The following CLIP1 variants were observed in gnomAD, a reference collection of about 807,000 sequenced individuals.
The protein encoded by CLIP1 is CAP-Gly domain containing linker protein 1.
A neutral mutation model predicts 161.6 loss-of-function variants in CLIP1; 66 were observed. The ratio of observed to expected loss-of-function variants is 0.41; its 90% CI spans 0.33 to 0.50. CLIP1 has a LOEUF of 0.50. Among genes scored for constraint, CLIP1 ranks in the 20% least tolerant of loss-of-function variants. The pLI is 0.27. For synonymous variants in CLIP1, 598 were observed against 626.2 expected (o/e 0.96, Z 0.67); for missense variants, 1,376 against 1,702.0 (o/e 0.81, Z 3.37).
chr12:122,401,575 G>A (rs1301500218), intron 1 of CLIP1, among the ~76,000 whole-genome samples: 2 of 152,156 alleles, frequency 1.3e-5, no homozygotes, highest in East Asian at 3.9e-4. Context: ...GGCTGAGGCA[G>A]GAGAACTGCT....
chr12:122,402,779 T>C (rs192594672), intron 1 of CLIP1, among the ~76,000 whole-genome samples: 35 of 152,290 alleles, frequency 2.3e-4, no homozygotes, highest in South Asian at 8.3e-4. Context: ...CCAGCCTGGG[T>C]GACAGACCAA....
chr12:122,329,983 G>A (rs1951873485), intron 15 of CLIP1, among the ~76,000 whole-genome samples: 1 of 152,078 alleles, frequency 6.6e-6, no homozygotes, highest in Admixed American at 6.6e-5. Context: ...TGGGCGTGGT[G>A]GCGCATGCCT....
At position 122,377,586 on chromosome 12, in the gene CLIP1, C is replaced by A; in HGVS notation, c.460G>T (p.Ala154Ser). 1 of 1,613,900 alleles carries A rather than the reference C, an allele frequency of 6.2e-7. No homozygotes were observed. The highest frequency in any genetic ancestry group is 8.5e-7 in the Non-Finnish European group (1 of 1,179,976). Residue 154 changes from alanine to serine, a missense_variant, in exon 3 of 26, where the codon GCC becomes TCC. Ala to Ser is a moderately conservative substitution (Grantham distance 99, BLOSUM62 1). Coordinates refer to ENST00000620786, the MANE Select transcript of CLIP1 (RefSeq NM_001247997.2). ...RATSPLCTSTASMVSSSPSTP... is the reference protein window; with the variant it reads ...RATSPLCTSTSSMVSSSPSTP... The stretch of plus-strand genomic sequence containing the variant: ...GAGGGGGAGGAAGACACCATGCTGG[C>A]CGTAGAAGTGCACAGCGGTGAAGTA...
intron 1 of CLIP1, among the ~76,000 whole-genome samples, chr12:122,390,275 T>TATAC (rs1182608807): frequency 0.082 from 3,942 of 48,074 alleles, 121 homozygotes; most frequent in East Asian, 0.22. Flanking sequence ...CACATATATA[T>TATAC]ATACATATAT....
Position 122,340,851 on chromosome 12 carries a change from C to T in CLIP1, c.2353G>A (p.Glu785Lys), listed in dbSNP as rs61954403. ...DLDALRKASS[E>K]GKSEMKKLRQ... ...AGTTTCTTCATTTCCGATTTACCTTCGGAACTGGCTTTCCGAAGTGCATCA... is the reference window on the plus strand; with the variant it reads ...AGTTTCTTCATTTCCGATTTACCTTTGGAACTGGCTTTCCGAAGTGCATCA... Residue 785 changes from glutamate (E) to lysine (K), a missense_variant, in exon 11 of 26, where the codon GAA becomes AAA. Transcript: ENST00000620786. 21,418 of 1,614,128 alleles carry T rather than the reference C, an allele frequency of 0.013. 191 individuals are homozygous for T. The highest frequency in any genetic ancestry group is 0.016 in the Non-Finnish European group (18,924 of 1,180,018).
intron 20 of CLIP1, among the ~76,000 whole-genome samples, chr12:122,308,968 T>C (rs1950973680): frequency 6.6e-6 from 1 of 152,208 alleles, no homozygotes; most frequent in Non-Finnish European, 1.5e-5. Flanking sequence ...TTTTTTCCCC[T>C]TGGAGTACAA....
intron 1 of CLIP1, among the ~76,000 whole-genome samples, chr12:122,417,215 G>T (rs1956786230): frequency 6.6e-6 from 1 of 152,096 alleles, no homozygotes; most frequent in Admixed American, 6.6e-5. Flanking sequence ...AGAATCGCTT[G>T]AACCTGGGAG....
intron 17 of CLIP1, 42 bp downstream of exon 17, chr12:122,327,905 C>CA: frequency 6.3e-7 from 1 of 1,587,182 alleles, no homozygotes; most frequent in African/African-American, 1.3e-5. Flanking sequence ...ACACAGAGCT[C>CA]AGGCAAGCTA....
At chr12:122,350,937 A>G (rs1566154925) in intron 9 of CLIP1, 174 bp downstream of exon 9, 4 of 455,102 alleles carry the variant, frequency 8.8e-6, no homozygotes, top group Non-Finnish European at 1.5e-5. Flanking sequence ...ATTACATACA[A>G]TTTCTTCAGG....
chr12:122,275,991 A>C (rs1955411695), intron 24 of CLIP1, among the ~76,000 whole-genome samples: 1 of 152,186 alleles, frequency 6.6e-6, no homozygotes, highest in African/African-American at 2.4e-5. Flanking sequence ...TCTTATCCTG[A>C]ACATTTCCTT....
intron 17 of CLIP1, among the ~76,000 whole-genome samples, chr12:122,324,514 TG>T (rs1444527750): frequency 6.6e-6 from 1 of 152,154 alleles, no homozygotes; most frequent in African/African-American, 2.4e-5. Context: ...AGAAACTATC[TG>T]AATAACAAGG....
intron 1 of CLIP1, among the ~76,000 whole-genome samples, chr12:122,387,563 TATATATATATATATATATATATA>T (rs1566209062): frequency 2.1e-4 from 2 of 9,322 alleles, no homozygotes; most frequent in South Asian, 4.6e-3. Context: ...TATATATATA[TATATATATATATATATATATATA>T]TATATTTTTT....
At chr12:122,370,873 G>A (rs563459322) in intron 3 of CLIP1, among the ~76,000 whole-genome samples, 1 of 150,038 alleles carries the variant, frequency 6.7e-6, no homozygotes, top group East Asian at 2.0e-4. Context: ...CAAGAGAATC[G>A]CCTGAACCTG....
At chr12:122,331,909 C>G (rs771673895) in intron 15 of CLIP1, among the ~76,000 whole-genome samples, 1 of 151,926 alleles carries the variant, frequency 6.6e-6, no homozygotes, top group African/African-American at 2.4e-5. Flanking sequence ...GCAGGAGAAT[C>G]GCTTGAACCT....
At position 122,311,413 on chromosome 12, in the gene CLIP1, A is replaced by AATT. The variant is rs972044368; in HGVS notation, c.3474-1534_3474-1532dup. Among the ~76,000 whole-genome samples the AATT allele has an allele frequency of 2.4e-4, 36 of 151,016 alleles. No homozygotes were observed. The highest frequency in any genetic ancestry group is 4.1e-4 in the Non-Finnish European group (28 of 67,524). ...CTAAAGCATTGACCTATAAAAACAAAATTATTATTATTATTATTTTTTTTT... is the reference window on the plus strand; with the variant it reads ...CTAAAGCATTGACCTATAAAAACAAAATTATTATTATTATTATTATTTTTTTTT... On this transcript the variant is annotated intron_variant, in intron 19 of 25. Transcript: ENST00000620786. This position sits in a 1 kb window ranked among gnomAD's most constrained non-coding sequence, Gnocchi z 4.3.
chr12:122,278,952 A>G lies in CLIP1; in HGVS notation c.3766-10T>C. On this transcript the variant is annotated splice_polypyrimidine_tract_variant and intron_variant, in intron 22 of 25. Coordinates refer to ENST00000620786, the MANE Select transcript of CLIP1 (RefSeq NM_001247997.2). ...CCCTGAGCACTGTGACCTGAAACAC[A>G]GTTGTTTAGCTTAGGCTGAGGGTTT... 1 of 1,606,254 alleles carries G rather than the reference A, an allele frequency of 6.2e-7. No individual in the cohort carries two copies.
intron 17 of CLIP1, among the ~76,000 whole-genome samples, chr12:122,325,498 T>A (rs1951676993): frequency 6.6e-6 from 1 of 151,518 alleles, no homozygotes; most frequent in Non-Finnish European, 1.5e-5. Context: ...TTATTTATTT[T>A]GGAGGCAGAG....
At chr12:122,287,870 C>T (rs1276559012) in intron 21 of CLIP1, among the ~76,000 whole-genome samples, 1 of 152,008 alleles carries the variant, frequency 6.6e-6, no homozygotes, top group East Asian at 1.9e-4. Context: ...AGATCAATAA[C>T]TGTATGTAAG....
intron 3 of CLIP1, among the ~76,000 whole-genome samples, chr12:122,368,997 A>G (rs1954301010): frequency 6.6e-6 from 1 of 151,910 alleles, no homozygotes; most frequent in Non-Finnish European, 1.5e-5. Context: ...GTGACATGAA[A>G]GAGCCAAAGC....
Sources: gnomAD v4.1 joint callset for allele counts (sites outside exome capture counted in the v4.1 genomes callset) on GRCh38, gnomAD v4.1.1 for gene constraint, Gnocchi (gnomAD v3.1) non-coding constraint, MANE v1.5 for transcripts, NCBI Gene and HGNC (gene_info 2026-07-23, HGNC 2026-07-21) for gene names.